MYO15A: variants seen among roughly 807,000 people sequenced by gnomAD.
MYO15A encodes the protein unconventional myosin-XV.
A neutral mutation model predicts 394.6 loss-of-function variants in MYO15A; 308 were observed. The observed-to-expected ratio is 0.78, with a 90% CI of 0.71 to 0.86. The LOEUF (loss-of-function observed/expected upper bound fraction) is 0.86, where lower values mean the gene tolerates loss of function less well. MYO15A is among the 40% of genes least tolerant of loss of function. The pLI is 0.00. For missense variants in MYO15A, 4,606 were observed against 4,799.1 expected (o/e 0.96, Z 1.19); for synonymous variants, 1,957 against 2,003.8 (o/e 0.98, Z 0.62).
chr17:18,131,244 G>A lies in MYO15A; in HGVS notation c.4044G>A (p.Leu1348=). The A allele has an allele frequency of 6.2e-7, 1 of 1,613,886 alleles. No homozygotes were observed. The highest frequency in any genetic ancestry group is 8.5e-7 in the Non-Finnish European group (1 of 1,179,890). The change falls in exon 9 of 66, where the codon CTG becomes CTA. Residue 1348 remains leucine (L), a synonymous_variant. Coordinates refer to ENST00000647165, the MANE Select transcript of MYO15A (RefSeq NM_016239.4). The stretch of plus-strand genomic sequence containing the variant: ...CATCTCCTTCTGGAGTCCAGATCCT[G>A]GAGGCAACACCCCTCTTGGAGTCCT... ...KREVMQQIKI[L]EATPLLESFG...
Position 18,154,682 on chromosome 17 carries a change from C to G in MYO15A, c.8151C>G (p.Ile2717Met), listed in dbSNP as rs1450664522. 6.2e-7 allele frequency: 1 copy of G among 1,613,440 alleles called. No homozygotes were observed. The highest frequency in any genetic ancestry group is 1.1e-5 in the South Asian group (1 of 91,082). Residue 2717 changes from isoleucine (I) to methionine (M), a missense_variant and splice_region_variant, in exon 45 of 66, where the codon ATC (isoleucine) becomes ATG (methionine). Transcript: ENST00000647165. ...PVQLDLLFRQ[I>M]LHDTLSEACL... is the part of the protein sequence containing the mutation. ...TGCATCACAGCCTGTTCCCACAGAT[C>G]CTGCACGACACGCTCTCCGAGGCCT...
chr17:18,156,434 T>C (rs1489976515), intron 48 of MYO15A, 98 bp downstream of exon 48: 97 of 1,408,324 alleles, frequency 6.9e-5, no homozygotes, highest in Non-Finnish European at 9.0e-5. Flanking sequence ...CATAGATTTC[T>C]GTCTACCTTA....
intron 1 of MYO15A, among the ~76,000 whole-genome samples, chr17:18,116,517 C>T (rs575964785): frequency 6.6e-6 from 1 of 152,362 alleles, no homozygotes; most frequent in Admixed American, 6.5e-5. Flanking sequence ...ATCTCACAGA[C>T]CTGCTGTGAG....
Position 18,136,669 on chromosome 17 carries a change from G to A in MYO15A, c.4762G>A (p.Asp1588Asn). The change falls in exon 15 of 66, where the codon GAC becomes AAC. Residue 1588 changes from aspartate (D) to asparagine (N), a missense_variant. Around this residue, in one of 2 missense-constraint regions of MYO15A, gnomAD observed 2,776 missense variants for 3,109.3 expected, o/e 0.89. Transcript: ENST00000647165. ...RQDTLSIAIL[D>N]IYGFEDLSFN... is the part of the protein sequence containing the mutation. ...GGACACACTGTCCATCGCCATCCTG[G>A]ACATCTATGGTTTCGAGGTGGGGCC... 6.2e-7 allele frequency: 1 copy of A among 1,609,728 alleles called. No homozygotes were observed. The highest frequency in any genetic ancestry group is 8.5e-7 in the Non-Finnish European group (1 of 1,178,928).
intron 4 of MYO15A, 123 bp downstream of exon 4, chr17:18,125,354 C>T: frequency 1.0e-6 from 1 of 966,486 alleles, no homozygotes; most frequent in Non-Finnish European, 1.7e-6. Context: ...CCTAGAATGC[C>T]AGAGCCTAGA....
In MYO15A at chr17:18,142,110, T is replaced by C; in HGVS notation, c.5681T>C (p.Leu1894Pro). The C allele has an allele frequency of 6.2e-7, 1 of 1,613,634 alleles. No homozygotes were observed. The highest frequency in any genetic ancestry group is 8.5e-7 in the Non-Finnish European group (1 of 1,180,020). The change falls in exon 24 of 66, where the codon CTG becomes CCG. Residue 1894 changes from leucine (L) to proline (P), a missense_variant. By Grantham distance (98) the Leu-to-Pro change is moderately conservative. Transcript: ENST00000647165. ...CTTAAGGAACACCTATACCAGCTGC[T>C]GGAGAGTATGCGAGAGCATGTCCTG... The part of the protein sequence containing the change: ...LFLKEHLYQL[L>P]ESMREHVLNL...
At chr17:18,178,572 T>G (rs2047047449) in intron 65 of MYO15A, 197 bp from the exon 66 acceptor site, 1 of 677,210 alleles carries the variant, frequency 1.5e-6, no homozygotes, top group Non-Finnish European at 2.7e-6. Context: ...TGCTTACCCC[T>G]TGCAGCCCAC....
At chr17:18,166,545 G>T (rs2046857994) in intron 61 of MYO15A, 24 bp downstream of exon 61, 5 of 1,609,626 alleles carry the variant, frequency 3.1e-6, no homozygotes, top group Admixed American at 3.3e-5. Flanking sequence ...GGCTTCTCTG[G>T]ACTCTGGGAC....
chr17:18,178,853 G>T lies in MYO15A; in HGVS notation c.10576G>T (p.Glu3526Ter). ...GAAGCGGCTCACATTGCCCCCCAGC[G>T]AGATCACCCTGCTCTGACCCAGCCC... ...HEKRLTLPPS[E>*]ITLL Residue 3526 changes from glutamate to a stop codon, truncating the protein, a stop_gained, in exon 66 of 66, where the codon GAG (glutamate) becomes TAG (stop). Coordinates refer to ENST00000647165, the MANE Select transcript of MYO15A (RefSeq NM_016239.4). LOFTEE classifies it high-confidence loss of function. 3 of 1,613,286 alleles carry T rather than the reference G, an allele frequency of 1.9e-6. No homozygotes were observed. Among genetic ancestry groups the T allele is most frequent in the Non-Finnish European group, 2.5e-6 (3 of 1,180,004 alleles).
At chr17:18,135,434 C>T (rs550462758) in intron 12 of MYO15A, among the ~76,000 whole-genome samples, 278 of 151,368 alleles carry the variant, frequency 1.8e-3, no homozygotes, top group African/African-American at 6.5e-3. Context: ...CTCCACCTCC[C>T]GGGTTCAAGC....
At position 18,122,154 on chromosome 17, in the gene MYO15A, GC is replaced by G. The variant is rs1312117773; in HGVS notation, c.3356del (p.Pro1119LeufsTer6). 1.9e-6 allele frequency: 3 copies of G among 1,613,056 alleles called. No homozygotes were observed. Among genetic ancestry groups the G allele is most frequent in the Non-Finnish European group, 2.5e-6 (3 of 1,180,014 alleles). On this transcript the variant is annotated frameshift_variant, in exon 2 of 66. Transcript: ENST00000647165. LOFTEE classifies it high-confidence loss of function. ...CCCCTGGGCGTTTTGCTGTGGTCAT[GC>G]CTCGTGTGCAGAAGCTGAGCTCTTT... ...AAPGRFAVVM[P>X]RVQKLSSFQR... is the part of the protein sequence containing the mutation.
At chr17:18,139,657 C>A in intron 19 of MYO15A, 46 bp downstream of exon 19, 1 of 1,427,432 alleles carries the variant, frequency 7.0e-7, no homozygotes, top group Non-Finnish European at 9.6e-7. Flanking sequence ...CAGGCATGTC[C>A]CCACCCCCAC....
chr17:18,173,984 A>T, intron 65 of MYO15A, 63 bp downstream of exon 65: 3 of 1,573,606 alleles, frequency 1.9e-6, no homozygotes, highest in South Asian at 2.3e-5. Flanking sequence ...TGGCTCCAAG[A>T]TAGGTCAGGT....
chr17:18,133,950 G>A (rs1178146085), intron 12 of MYO15A, among the ~76,000 whole-genome samples: 5 of 152,012 alleles, frequency 3.3e-5, no homozygotes, highest in African/African-American at 7.2e-5. Flanking sequence ...GAGCCACCGC[G>A]CCCAGCCCTT....
chr17:18,175,110 G>T lies in MYO15A; in HGVS notation c.10491+1189G>T, dbSNP rs1398606343. 6.8e-5 allele frequency among the ~76,000 whole-genome samples: 10 copies of T among 147,254 alleles called. No individual in the cohort carries two copies. The East Asian group carries it at 1.8e-3, about 26-fold the overall frequency. On this transcript the variant is annotated intron_variant, in intron 65 of 65. Coordinates refer to ENST00000647165, the MANE Select transcript of MYO15A (RefSeq NM_016239.4). ...TTTTTTTTTTTTTCAGTAGAGACAG[G>T]GTCTTGCTATGTTGCCCAGACTAGT...
Position 18,140,538 on chromosome 17 carries a change from A to G in MYO15A, c.5233A>G (p.Ser1745Gly). 6.2e-7 allele frequency: 1 copy of G among 1,613,602 alleles called. No homozygotes were observed. The highest frequency in any genetic ancestry group is 8.5e-7 in the Non-Finnish European group (1 of 1,180,014). The part of the protein sequence containing the change: ...RTRVVAHLFS[S>G]HAPQAAPQRL... ...CCAGGTGGTGGCACACCTCTTCTCC[A>G]GCCATGCCCCACAGGCTGCCCCTCA... Residue 1745 changes from serine to glycine, a missense_variant, in exon 20 of 66, where the codon AGC becomes GGC. Coordinates refer to ENST00000647165, the MANE Select transcript of MYO15A (RefSeq NM_016239.4).
Position 18,153,993 on chromosome 17 carries a change from A to G in MYO15A, c.8088+97A>G. On this transcript the variant is annotated intron_variant, in intron 43 of 65. Coordinates refer to ENST00000647165, the MANE Select transcript of MYO15A (RefSeq NM_016239.4). This position sits in a 1 kb window ranked among gnomAD's most constrained non-coding sequence, Gnocchi z 4.1. Reference sequence around the variant, plus strand: ...GGTCTAGGACTTGGGGAGGGAGCCCAGGAGGACAGAAAAAGGCCGGGCTGA... The same window carrying G: ...GGTCTAGGACTTGGGGAGGGAGCCCGGGAGGACAGAAAAAGGCCGGGCTGA... The G allele has an allele frequency of 6.2e-7, 1 of 1,606,124 alleles. No individual in the cohort carries two copies. The highest frequency in any genetic ancestry group is 8.5e-7 in the Non-Finnish European group (1 of 1,174,714).
intron 1 of MYO15A, among the ~76,000 whole-genome samples, chr17:18,114,241 CTTTTTTTTTT>C (rs10583154): frequency 6.7e-4 from 37 of 55,596 alleles, no homozygotes; most frequent in African/African-American, 2.2e-3. Flanking sequence ...ACAGTCCTGT[CTTTTTTTTTT>C]TTTTTTTTTT....
chr17:18,118,895 G>A lies in MYO15A; in HGVS notation c.95G>A (p.Gly32Glu). The A allele has an allele frequency of 6.2e-7, 1 of 1,613,884 alleles. No individual in the cohort carries two copies. Among genetic ancestry groups the A allele is most frequent in the Admixed American group, 1.7e-5 (1 of 60,002 alleles). ...EPEKPKRSLK[G>E]TSRLFMGFRD... ...GAGAAGCCCAAACGGAGCCTGAAGG[G>A]GACGTCGCGGCTGTTCATGGGCTTC... The change falls in exon 2 of 66, where the codon GGG (glycine) becomes GAG (glutamate). Residue 32 changes from glycine to glutamate, a missense_variant. Gly to Glu is a moderately conservative substitution (Grantham distance 98, BLOSUM62 -2). Around this residue, in one of 2 missense-constraint regions of MYO15A, gnomAD observed 1,830 missense variants for 1,689.7 expected, o/e 1.08. Coordinates refer to ENST00000647165, the MANE Select transcript of MYO15A (RefSeq NM_016239.4).
Sources: gnomAD v4.1 joint callset for allele counts (sites outside exome capture counted in the v4.1 genomes callset) on GRCh38, gnomAD v4.1.1 for gene constraint, gnomAD v4.1.1 regional missense constraint, Gnocchi (gnomAD v3.1) non-coding constraint, MANE v1.5 for transcripts, NCBI Gene and HGNC (gene_info 2026-07-23, HGNC 2026-07-21) for gene names.